Variants in RPGRIP1L observed in about 807,000 individuals in gnomAD.
RPGRIP1L encodes RPGRIP1 like, also known as protein fantom.
In RPGRIP1L, 131 loss-of-function variants were observed where a neutral mutation model predicts 160.4. The observed-to-expected ratio is 0.82, with a 90% CI of 0.71 to 0.94. The LOEUF (loss-of-function observed/expected upper bound fraction) is 0.94, where lower values mean the gene tolerates loss of function less well. Ranked by LOEUF, RPGRIP1L falls within the 40% of genes least tolerant of loss-of-function variation. The pLI is 0.00. For missense variants in RPGRIP1L, 1,522 were observed against 1,535.8 expected (o/e 0.99, Z 0.15); for synonymous variants, 510 against 515.8 (o/e 0.99, Z 0.15).
At chr16:53,615,474 T>A (rs12930534) in intron 24 of RPGRIP1L, among the ~76,000 whole-genome samples, 410 of 73,892 alleles carry the variant, frequency 5.5e-3, no homozygotes, top group Admixed American at 0.012. Flanking sequence ...ATATATATAT[T>A]TTTTTTTTTT....
Position 53,619,270 on chromosome 16 carries a change from C to T in RPGRIP1L, c.3433-62G>A, listed in dbSNP as rs887897338. Reference sequence around the variant, plus strand: ...TAAAATAATTGAACAAAAAGATCCACTATTACTTTCCACTATCAATTTTAA... The same window carrying T: ...TAAAATAATTGAACAAAAAGATCCATTATTACTTTCCACTATCAATTTTAA... On this transcript the variant is annotated intron_variant, in intron 23 of 26. Coordinates refer to ENST00000647211, the MANE Select transcript of RPGRIP1L (RefSeq NM_015272.5). The T allele has an allele frequency of 4.8e-6, 7 of 1,461,872 alleles. No individual in the cohort carries two copies. The African/African-American group carries it at 8.4e-5, about 17-fold the overall frequency. The allele number at this position is 1,461,872 out of a possible 1,614,324, so 90.6% of individuals were successfully genotyped here. A position where few individuals can be genotyped will look rare whatever the true frequency, so the allele number is the denominator to read the frequency against.
chr16:53,687,336 G>A (rs1970089937), intron 5 of RPGRIP1L, among the ~76,000 whole-genome samples: 1 of 152,086 alleles, frequency 6.6e-6, no homozygotes, highest in Non-Finnish European at 1.5e-5. Flanking sequence ...ATGAGGCTTG[G>A]ATTAACTAGA....
chr16:53,646,541 G>C (rs1041320249), intron 16 of RPGRIP1L, among the ~76,000 whole-genome samples: 2 of 152,150 alleles, frequency 1.3e-5, no homozygotes, highest in African/African-American at 4.8e-5. Context: ...AGCCAGGACC[G>C]GGAGGATACT....
chr16:53,675,160 A>C (rs761568645), intron 6 of RPGRIP1L, 38 bp from the exon 7 acceptor site: 1 of 1,402,906 alleles, frequency 7.1e-7, no homozygotes, highest in South Asian at 1.2e-5. Flanking sequence ...AGACAGAAGT[A>C]AAAAACGCAA....
At chr16:53,629,847 C>T (rs1030667520) in intron 22 of RPGRIP1L, among the ~76,000 whole-genome samples, 33 of 152,190 alleles carry the variant, frequency 2.2e-4, no homozygotes, top group African/African-American at 7.5e-4. Context: ...TGTAAACGAA[C>T]GGGTGGCTGG....
intron 15 of RPGRIP1L, among the ~76,000 whole-genome samples, chr16:53,650,810 C>A (rs1056042295): frequency 6.6e-6 from 1 of 152,156 alleles, no homozygotes; most frequent in East Asian, 1.9e-4. Context: ...ACCACAGACT[C>A]GTTTTCCTCC....
intron 2 of RPGRIP1L, among the ~76,000 whole-genome samples, chr16:53,700,401 T>C (rs1210795741): frequency 2.6e-5 from 4 of 152,212 alleles, no homozygotes; most frequent in Non-Finnish European, 5.9e-5. Context: ...AAAAGATGAT[T>C]TATGTTAATT....
chr16:53,660,675 C>T lies in RPGRIP1L; in HGVS notation c.1244-1797G>A, dbSNP rs376264852. The stretch of plus-strand genomic sequence containing the variant: ...CTTTGGGAGGCTGAGGCAGGTGGAT[C>T]GCGAGGTCAGGAGTTCGAGACCAGC... On this transcript the variant is annotated intron_variant, in intron 10 of 26. Transcript: ENST00000647211. 5.0e-4 allele frequency among the ~76,000 whole-genome samples: 75 copies of T among 149,176 alleles called. No individual in the cohort carries two copies. In the East Asian group the frequency reaches 1.0e-2, roughly 20 times the overall value.
intron 12 of RPGRIP1L, among the ~76,000 whole-genome samples, chr16:53,658,109 G>C (rs1053953656): frequency 2.6e-5 from 4 of 152,226 alleles, no homozygotes; most frequent in Admixed American, 2.0e-4. Context: ...TAGTGAAGCA[G>C]ATAAAAGTAA....
intron 8 of RPGRIP1L, among the ~76,000 whole-genome samples, chr16:53,672,642 A>G (rs151140210): frequency 6.6e-6 from 1 of 152,272 alleles, no homozygotes; most frequent in African/African-American, 2.4e-5. Context: ...TTACTCAAGG[A>G]TCTTTAATCC....
intron 2 of RPGRIP1L, among the ~76,000 whole-genome samples, chr16:53,698,115 C>A (rs983858222): frequency 6.7e-6 from 1 of 149,494 alleles, no homozygotes; most frequent in African/African-American, 2.5e-5. Context: ...GGGAGGAGAC[C>A]CTCCGCCCGG....
chr16:53,654,281 G>C (rs1185619657), intron 14 of RPGRIP1L, among the ~76,000 whole-genome samples: 2 of 152,128 alleles, frequency 1.3e-5, no homozygotes, highest in African/African-American at 4.8e-5. Flanking sequence ...TCACAATTTT[G>C]TTCCTTATAG....
intron 25 of RPGRIP1L, among the ~76,000 whole-genome samples, chr16:53,608,672 C>T (rs1450421339): frequency 1.3e-5 from 2 of 152,208 alleles, no homozygotes; most frequent in Non-Finnish European, 2.9e-5. Flanking sequence ...ACTTCTCTAA[C>T]TGTCGCTTTG....
intron 18 of RPGRIP1L, 73 bp from the exon 19 acceptor site, chr16:53,641,189 T>C: frequency 1.3e-6 from 2 of 1,512,144 alleles, no homozygotes; most frequent in Non-Finnish European, 9.1e-7. Context: ...TTAGCTATTA[T>C]TATTATTTTT....
At chr16:53,621,220 A>G (rs1055696770) in intron 23 of RPGRIP1L, among the ~76,000 whole-genome samples, 1 of 152,158 alleles carries the variant, frequency 6.6e-6, no homozygotes, top group African/African-American at 2.4e-5. Flanking sequence ...GTAAGAACCA[A>G]TTTAGACTGT....
intron 24 of RPGRIP1L, among the ~76,000 whole-genome samples, chr16:53,614,926 G>A (rs1298174820): frequency 2.0e-5 from 3 of 152,156 alleles, no homozygotes; most frequent in African/African-American, 7.2e-5. Context: ...CTTTACTTCT[G>A]CAAGCTGGAT....
At chr16:53,626,724 G>T (rs949920953) in intron 22 of RPGRIP1L, among the ~76,000 whole-genome samples, 1 of 149,182 alleles carries the variant, frequency 6.7e-6, no homozygotes, top group African/African-American at 2.5e-5. Flanking sequence ...AGAATCGCTT[G>T]AACATGGGAG....
intron 6 of RPGRIP1L, among the ~76,000 whole-genome samples, chr16:53,676,839 T>C (rs2151270340): frequency 6.6e-6 from 1 of 152,154 alleles, no homozygotes; most frequent in South Asian, 2.1e-4. Context: ...TTCACTGTGT[T>C]AGCCAGGATG....
chr16:53,671,043 GCCATGATTGTGCCACTGCA>G (rs935255069), intron 9 of RPGRIP1L, among the ~76,000 whole-genome samples: 1 of 152,158 alleles, frequency 6.6e-6, no homozygotes, highest in Non-Finnish European at 1.5e-5. Context: ...GCTGCAGTGA[GCCATGATTGTGCCACTGCA>G]CTCCAGCTTG....
Sources: allele counts gnomAD v4.1 joint callset (sites outside exome capture counted in the v4.1 genomes callset), GRCh38; gene constraint gnomAD v4.1.1; transcripts MANE v1.5; gene names NCBI Gene and HGNC (gene_info 2026-07-23, HGNC 2026-07-21).